The following TRABD2B variants were observed in gnomAD, a reference collection of about 807,000 sequenced individuals.
TRABD2B encodes the protein metalloprotease TIKI2.
A neutral mutation model predicts 40.1 loss-of-function variants in TRABD2B; 14 were observed. That is an observed-to-expected ratio of 0.35 (90% CI 0.23 to 0.55). The LOEUF (loss-of-function observed/expected upper bound fraction) is 0.55, where lower values mean the gene tolerates loss of function less well. Ranked by LOEUF, TRABD2B falls within the 20% of genes least tolerant of loss-of-function variation. The pLI, the probability that TRABD2B is intolerant of heterozygous loss-of-function variation, is 0.90. For synonymous variants in TRABD2B, 263 were observed against 277.0 expected, an observed-to-expected ratio of 0.95 and a Z score of 0.50; for missense variants, 541 against 648.6, an observed-to-expected ratio of 0.83 and a Z score of 1.80.
intron 4 of TRABD2B, among the ~76,000 whole-genome samples, chr1:47,787,255 C>A (rs973265210): frequency 1.3e-5 from 2 of 152,150 alleles, no homozygotes; most frequent in Non-Finnish European, 2.9e-5. Context: ...ACTTACCCTG[C>A]CTCCTTTCAG....
intron 2 of TRABD2B, among the ~76,000 whole-genome samples, chr1:47,950,992 A>T (rs554096366): frequency 2.6e-5 from 4 of 152,360 alleles, no homozygotes; most frequent in Admixed American, 6.5e-5. Context: ...TGCCCCACAC[A>T]GAGCAGGCCT....
At chr1:47,794,789 AGT>A in intron 3 of TRABD2B, 29 bp from the exon 4 acceptor site, 7 of 982,800 alleles carry the variant, frequency 7.1e-6, no homozygotes, top group Middle Eastern at 2.7e-4. Context: ...GGCTGCCTTC[AGT>A]TTTTTTTTTT....
chr1:47,869,591 C>A (rs1644111797), intron 2 of TRABD2B, among the ~76,000 whole-genome samples: 1 of 152,176 alleles, frequency 6.6e-6, no homozygotes, highest in Non-Finnish European at 1.5e-5. Context: ...TTCGCCAAGT[C>A]TTGGGGCTGT....
intron 2 of TRABD2B, among the ~76,000 whole-genome samples, chr1:47,849,230 G>A (rs1270088535): frequency 6.6e-6 from 1 of 152,204 alleles, no homozygotes; most frequent in Non-Finnish European, 1.5e-5. Flanking sequence ...CCATTAGGGT[G>A]GGCCCTAATC....
intron 2 of TRABD2B, among the ~76,000 whole-genome samples, chr1:47,843,666 G>A (rs1230971192): frequency 6.6e-6 from 1 of 152,162 alleles, no homozygotes; most frequent in Non-Finnish European, 1.5e-5. Context: ...AGGGGCATGA[G>A]GAGGAACCAG....
chr1:47,847,115 A>G (rs796844338), intron 2 of TRABD2B, among the ~76,000 whole-genome samples: 1 of 152,294 alleles, frequency 6.6e-6, no homozygotes, highest in African/African-American at 2.4e-5. Flanking sequence ...CTTTTCCTGG[A>G]AACTGCTCCT....
At chr1:47,968,631 C>A (rs1428524431) in intron 2 of TRABD2B, among the ~76,000 whole-genome samples, 1 of 152,218 alleles carries the variant, frequency 6.6e-6, no homozygotes, top group Admixed American at 6.5e-5. Flanking sequence ...AGCCCCCAGG[C>A]AGAAGCTCCA....
rs539536385 is a variant in TRABD2B at position 47,761,226 on chromosome 1, G to A, written c.*4676C>T. 2 of 152,450 alleles carry A rather than the reference G, an allele frequency of 1.3e-5. No individual in the cohort carries two copies. Among genetic ancestry groups the A allele is most frequent in the East Asian group, 1.9e-4 (1 of 5,190 alleles). The allele number at this position is 152,450 out of a possible 1,614,324, so 9.4% of individuals were successfully genotyped here. On this transcript the variant is annotated 3_prime_UTR_variant, in exon 7 of 7. Transcript: ENST00000606738. ...GTGAAGGAGTATCCAGAGTATCTCC[G>A]GAAAGGAAGAGCCCAGCTCCCACTT...
intron 2 of TRABD2B, among the ~76,000 whole-genome samples, chr1:47,858,590 A>T (rs990774682): frequency 1.3e-5 from 2 of 152,200 alleles, no homozygotes; most frequent in African/African-American, 4.8e-5. Context: ...TACAAAGTGA[A>T]ATTTATTAAT....
intron 2 of TRABD2B, among the ~76,000 whole-genome samples, chr1:47,917,292 T>C (rs1220644400): frequency 1.3e-5 from 2 of 152,210 alleles, no homozygotes; most frequent in African/African-American, 4.8e-5. Flanking sequence ...CCACTGAGAT[T>C]CTAGCCTATC....
At chr1:47,932,661 G>A (rs143437553) in intron 2 of TRABD2B, among the ~76,000 whole-genome samples, 5 of 152,248 alleles carry the variant, frequency 3.3e-5, no homozygotes, top group East Asian at 1.9e-4. Flanking sequence ...GTGAACAAGC[G>A]GGTGTAATTT....
Position 47,996,715 on chromosome 1 carries a change from G to A in TRABD2B, c.75C>T (p.Asp25=), listed in dbSNP as rs1646097878. Residue 25 remains aspartate (D), a synonymous_variant, in exon 1 of 7, where the codon GAC becomes GAT. Coordinates refer to ENST00000606738, the MANE Select transcript of TRABD2B (RefSeq NM_001194986.2). The surrounding 1 kb of genome is among the most constrained non-coding windows in gnomAD (Gnocchi z 4.6). ...ATARARPQPP[D]GGQCRPPGSQ... is the part of the protein sequence containing the mutation. ...ATCCGGGCGGCCGGCACTGTCCTCC[G>A]TCCGGGGGCTGCGGGCGGGCGCGAG... 1.6e-6 allele frequency: 2 copies of A among 1,228,968 alleles called. No individual in the cohort carries two copies. The highest frequency in any genetic ancestry group is 2.1e-4 in the Middle Eastern group (1 of 4,722). The allele number at this position is 1,228,968 out of a possible 1,614,324, so 76.1% of individuals were successfully genotyped here.
chr1:47,791,638 C>T (rs372950317), intron 4 of TRABD2B, among the ~76,000 whole-genome samples: 8 of 152,098 alleles, frequency 5.3e-5, no homozygotes, highest in Non-Finnish European at 1.2e-4. Context: ...AGGAGTGGAG[C>T]GGGTATGTCT....
chr1:47,968,230 G>A (rs902185088), intron 2 of TRABD2B, among the ~76,000 whole-genome samples: 4 of 152,172 alleles, frequency 2.6e-5, no homozygotes, highest in African/African-American at 9.7e-5. Context: ...ATAACTATGC[G>A]TTCATGACCC....
intron 2 of TRABD2B, among the ~76,000 whole-genome samples, chr1:47,817,323 G>C (rs1363452647): frequency 2.0e-5 from 3 of 152,074 alleles, no homozygotes; most frequent in Admixed American, 6.5e-5. Context: ...ATGTGAACCA[G>C]AGCACTCCCA....
At chr1:47,960,470 T>C (rs303920) in intron 2 of TRABD2B, among the ~76,000 whole-genome samples, 146,676 of 152,238 alleles carry the variant, frequency 0.96, 70,916 homozygotes, top group Non-Finnish European at 1. Flanking sequence ...AAAACCCGAT[T>C]GTCTCAGCCC....
chr1:47,808,861 C>T (rs2124332735), intron 2 of TRABD2B, among the ~76,000 whole-genome samples: 1 of 152,262 alleles, frequency 6.6e-6, no homozygotes, highest in Non-Finnish European at 1.5e-5. Flanking sequence ...AAGTAGGGGC[C>T]AGTCTTTGAG....
chr1:47,861,397 C>G (rs149162094), intron 2 of TRABD2B, among the ~76,000 whole-genome samples: 3 of 152,078 alleles, frequency 2.0e-5, no homozygotes, highest in African/African-American at 7.2e-5. Context: ...ATTATCCTTC[C>G]TAAAATGTCA....
rs1645158163 is a variant in TRABD2B at position 47,939,538 on chromosome 1, C to T, written c.666+54496G>A. ...TCTGTCTGAGTTCTCTTTTAGTCCT[C>T]TCAACAGCCCTATGAGACAGGGACA... On this transcript the variant is annotated intron_variant, in intron 2 of 6. Transcript: ENST00000606738. Among the ~76,000 whole-genome samples, 4 of 152,178 alleles carry T rather than the reference C, an allele frequency of 2.6e-5. No individual in the cohort carries two copies. The South Asian group carries it at 8.3e-4, about 32-fold the overall frequency.
Sources: gnomAD v4.1 joint callset for allele counts (sites outside exome capture counted in the v4.1 genomes callset) on GRCh38, gnomAD v4.1.1 for gene constraint, Gnocchi (gnomAD v3.1) non-coding constraint, MANE v1.5 for transcripts, NCBI Gene and HGNC (gene_info 2026-07-23, HGNC 2026-07-21) for gene names.